The following LONRF2 variants were observed in gnomAD, a reference collection of about 807,000 sequenced individuals.
LONRF2 encodes LON peptidase N-terminal domain and ring finger 2.
A neutral mutation model predicts 66.6 loss-of-function variants in LONRF2; 35 were observed. That is an observed-to-expected ratio of 0.53 (90% confidence interval 0.40 to 0.70). The LOEUF (loss-of-function observed/expected upper bound fraction) is 0.70. Among genes scored for constraint, LONRF2 ranks in the 30% least tolerant of loss-of-function variants. The probability of loss-of-function intolerance (pLI) is 0.00; values close to 1 mark genes in which losing one functional copy is unlikely to be tolerated. For missense variants in LONRF2, 902 were observed against 1,002.1 expected, an observed-to-expected ratio of 0.90 and a Z score of 1.35; for synonymous variants, 417 against 418.1, an observed-to-expected ratio of 1.00 and a Z score of 0.03.
intron 1 of LONRF2, among the ~76,000 whole-genome samples, chr2:100,311,870 A>G (rs1227483112): frequency 1.3e-5 from 2 of 152,188 alleles, no homozygotes; most frequent in African/African-American, 4.8e-5. Context: ...GTACCGAATT[A>G]TCCTTATGGT....
rs1296898042 is a variant in LONRF2 at position 100,322,028 on chromosome 2, C to T, written c.66G>A (p.Pro22=). The part of the protein sequence containing the change: ...PQCPGCDRAE[P]IAQRLEEGDE... ...CGCCCTCCTCTAAGCGCTGGGCGAT[C>T]GGCTCCGCGCGGTCGCAGCCAGGAC... Residue 22 remains proline, a synonymous_variant, in exon 1 of 12, where the codon CCG becomes CCA. Transcript: ENST00000393437. 2 of 1,367,604 alleles carry T rather than the reference C, an allele frequency of 1.5e-6. No homozygotes were observed. The highest frequency in any genetic ancestry group is 1.6e-5 in the South Asian group (1 of 60,686). The allele number at this position is 1,367,604 out of a possible 1,614,324, so 84.7% of individuals were successfully genotyped here.
rs778648555 is a variant in LONRF2 at position 100,276,564 on chromosome 2, A to C, written c.*7734T>G. On this transcript the variant is annotated 3_prime_UTR_variant, in exon 12 of 12. Transcript: ENST00000393437. ...GTTAATATGAGGTATTCAAGGATTA[A>C]AACTTACTAATTAATAAAGGGGTGA... 1.8e-4 allele frequency: 28 copies of C among 152,198 alleles called. No homozygotes were observed. Among genetic ancestry groups the C allele is most frequent in the Non-Finnish European group, 3.4e-4 (23 of 68,042 alleles). The allele number at this position is 152,198 out of a possible 1,614,324, so 9.4% of individuals were successfully genotyped here.
At position 100,274,924 on chromosome 2, in the gene LONRF2, T is replaced by G. The variant is rs919703467; in HGVS notation, c.*9374A>C. ...TGACAGCAGCCTCTCCTTTATGAAT[T>G]AAACGTGGGTACATTTCGATACCAC... On this transcript the variant is annotated 3_prime_UTR_variant, in exon 12 of 12. Coordinates refer to ENST00000393437, the MANE Select transcript of LONRF2 (RefSeq NM_198461.4). 9.2e-5 allele frequency: 14 copies of G among 152,308 alleles called. No homozygotes were observed. Among genetic ancestry groups the G allele is most frequent in the African/African-American group, 3.4e-4 (14 of 41,460 alleles). The allele number at this position is 152,308 out of a possible 1,614,324, so 9.4% of individuals were successfully genotyped here.
intron 10 of LONRF2, among the ~76,000 whole-genome samples, chr2:100,287,434 T>A (rs1674870013): frequency 6.6e-6 from 1 of 152,210 alleles, no homozygotes; most frequent in Admixed American, 6.5e-5. Flanking sequence ...TATAAACATT[T>A]ATGGAAAAGT....
At chr2:100,295,274 C>T (rs903506754) in intron 8 of LONRF2, among the ~76,000 whole-genome samples, 158 bp downstream of exon 8, 1 of 152,162 alleles carries the variant, frequency 6.6e-6, no homozygotes, top group East Asian at 1.9e-4. Context: ...CTTATAACTG[C>T]TTGCAATTAT....
At chr2:100,313,115 C>T (rs1675440793) in intron 1 of LONRF2, among the ~76,000 whole-genome samples, 1 of 152,180 alleles carries the variant, frequency 6.6e-6, no homozygotes. Flanking sequence ...CCCAGAGCCA[C>T]TGTTGTACTA....
Position 100,284,048 on chromosome 2 carries a change from TC to T in LONRF2, c.*249del. On this transcript the variant is annotated 3_prime_UTR_variant, in exon 12 of 12. Transcript: ENST00000393437. ...GAACTGCATTCCCCAAGCACCTGCT[TC>T]TAAGAGATTTTCTTAGGTTGTTTTC... is the stretch of plus-strand genomic sequence containing the variant. 2.6e-6 allele frequency: 1 copy of T among 387,358 alleles called. No homozygotes were observed. Among genetic ancestry groups the T allele is most frequent in the Non-Finnish European group, 4.7e-6 (1 of 214,954 alleles). 24.0% of individuals were successfully genotyped at this position (387,358 alleles called of 1,614,324 possible).
chr2:100,290,511 A>T, intron 9 of LONRF2, 91 bp from the exon 10 acceptor site: 4 of 1,295,236 alleles, frequency 3.1e-6, no homozygotes, highest in Non-Finnish European at 4.3e-6. Flanking sequence ...TAAAAGGAAT[A>T]CAAAGCCACA....
Position 100,277,692 on chromosome 2 carries a change from A to G in LONRF2, c.*6606T>C, listed in dbSNP as rs752477639. The G allele has an allele frequency of 6.6e-6, 1 of 152,084 alleles. No individual in the cohort carries two copies. The allele number at this position is 152,084 out of a possible 1,614,324, so 9.4% of individuals were successfully genotyped here. A position where few individuals can be genotyped will look rare whatever the true frequency, so the allele number is the denominator to read the frequency against. On this transcript the variant is annotated 3_prime_UTR_variant, in exon 12 of 12. Coordinates refer to ENST00000393437, the MANE Select transcript of LONRF2 (RefSeq NM_198461.4). Reference sequence around the variant, plus strand: ...CCAGCATGCCCTGATACGAAACGGAACCCAAAAAACAACGCATGTGGCCAA... The same window carrying G: ...CCAGCATGCCCTGATACGAAACGGAGCCCAAAAAACAACGCATGTGGCCAA...
Position 100,299,242 on chromosome 2 carries a change from A to G in LONRF2, c.1345T>C (p.Cys449Arg). 2 of 1,588,822 alleles carry G rather than the reference A, an allele frequency of 1.3e-6. No homozygotes were observed. Among genetic ancestry groups the G allele is most frequent in the Non-Finnish European group, 1.7e-6 (2 of 1,165,568 alleles). Residue 449 changes from cysteine (C) to arginine (R), a missense_variant, in exon 6 of 12, where the codon TGT becomes CGT. By Grantham distance (180) the Cys-to-Arg change is radical. This residue lies in a region of LONRF2 where 317 missense variants were observed against 432.2 expected (regional missense o/e 0.73). Coordinates refer to ENST00000393437, the MANE Select transcript of LONRF2 (RefSeq NM_198461.4). ...GLSLDVTDFE[C>R]ALCMRLLFEP... ...CCATCCTACCTCATGCAGAGGGCAC[A>G]CTCAAAGTCAGTTACATCAAGCGAG...
At position 100,281,820 on chromosome 2, in the gene LONRF2, G is replaced by A. The variant is rs1573106410; in HGVS notation, c.*2478C>T. The A allele has an allele frequency of 6.6e-6, 1 of 152,156 alleles. No individual in the cohort carries two copies. The highest frequency in any genetic ancestry group is 1.5e-5 in the Non-Finnish European group (1 of 68,022). 9.4% of individuals were successfully genotyped at this position (152,156 alleles called of 1,614,324 possible). On this transcript the variant is annotated 3_prime_UTR_variant, in exon 12 of 12. Transcript: ENST00000393437. ...CTCCCCAACAGAAAAGAGGCAGAAG[G>A]GGGCAGGCGGAGGAGGAAGCAGACC...
rs891709714 is a variant in LONRF2, at chr2:100,272,327, C to T, written c.*11971G>A. Among the ~76,000 whole-genome samples the T allele has an allele frequency of 5.3e-5, 8 of 152,076 alleles. No individual in the cohort carries two copies. Among genetic ancestry groups the T allele is most frequent in the Non-Finnish European group, 7.4e-5 (5 of 68,026 alleles). ...CAGCTTGGGCAACACAGCTAGACCT[C>T]GTCTCCATAGAAAGTAAAAAAATTA... On this transcript the variant is annotated 3_prime_UTR_variant, in exon 12 of 12. Coordinates refer to ENST00000393437, the MANE Select transcript of LONRF2 (RefSeq NM_198461.4).
intron 7 of LONRF2, among the ~76,000 whole-genome samples, chr2:100,297,013 A>G (rs1675081895): frequency 6.6e-6 from 1 of 152,188 alleles, no homozygotes; most frequent in Admixed American, 6.5e-5. Flanking sequence ...TTTGCATGTA[A>G]TCATTCATTC....
intron 11 of LONRF2, 120 bp downstream of exon 11, chr2:100,286,794 G>A (rs2105714385): frequency 8.4e-7 from 1 of 1,190,884 alleles, no homozygotes; most frequent in Admixed American, 2.4e-5. Flanking sequence ...AGATGAACTG[G>A]TTCATAAGCA....
chr2:100,289,888 G>A (rs1426928828), intron 10 of LONRF2, among the ~76,000 whole-genome samples: 1 of 152,154 alleles, frequency 6.6e-6, no homozygotes, highest in Admixed American at 6.5e-5. Flanking sequence ...AGGACTGCTT[G>A]AGCCCAGGAG....
chr2:100,291,123 G>A (rs1439043887), intron 9 of LONRF2, among the ~76,000 whole-genome samples: 1 of 152,200 alleles, frequency 6.6e-6, no homozygotes, highest in Admixed American at 6.5e-5. Context: ...CCCACAGGGA[G>A]AGAGTAGGCA....
intron 7 of LONRF2, 133 bp from the exon 8 acceptor site, chr2:100,295,686 G>C (rs1675052237): frequency 1.2e-6 from 1 of 809,722 alleles, no homozygotes; most frequent in Non-Finnish European, 1.9e-6. Context: ...GATGGAGAGA[G>C]AGGCGGGCCA....
chr2:100,314,701 T>C (rs537617173), intron 1 of LONRF2, among the ~76,000 whole-genome samples: 1 of 152,234 alleles, frequency 6.6e-6, no homozygotes, highest in Non-Finnish European at 1.5e-5. Flanking sequence ...TGTTATATGA[T>C]GTGAGATAGG....
At position 100,276,444 on chromosome 2, in the gene LONRF2, T is replaced by G. The variant is rs1293387326; in HGVS notation, c.*7854A>C. On this transcript the variant is annotated 3_prime_UTR_variant, in exon 12 of 12. Transcript: ENST00000393437. ...TATCCCATATTGAACACAGACACTC[T>G]AATAAAACAAATAATAAATTAAAAT... 3 of 152,318 alleles carry G rather than the reference T, an allele frequency of 2.0e-5. No homozygotes were observed. The highest frequency in any genetic ancestry group is 7.2e-5 in the African/African-American group (3 of 41,562). The allele number at this position is 152,318 out of a possible 1,614,324, so 9.4% of individuals were successfully genotyped here. A position where few individuals can be genotyped will look rare whatever the true frequency, so the allele number is the denominator to read the frequency against.
Sources: allele counts gnomAD v4.1 joint callset (sites outside exome capture counted in the v4.1 genomes callset), GRCh38; gene constraint gnomAD v4.1.1; regional missense constraint gnomAD v4.1.1; transcripts MANE v1.5; gene names NCBI Gene and HGNC (gene_info 2026-07-23, HGNC 2026-07-21).